Variants in NRXN3 observed in about 807,000 individuals in gnomAD.
NRXN3 encodes neurexin III.
In NRXN3, 32 loss-of-function variants were observed where a neutral mutation model predicts 137.6. The observed-to-expected ratio is 0.23, with a 90% CI of 0.18 to 0.31. The LOEUF (loss-of-function observed/expected upper bound fraction) is 0.31. NRXN3 is among the 10% of genes least tolerant of loss of function. NRXN3 has a pLI of 1.00. For missense variants in NRXN3, 1,574 were observed against 2,062.5 expected, an observed-to-expected ratio of 0.76 and a Z score of 4.59; for synonymous variants, 798 against 784.5, an observed-to-expected ratio of 1.02 and a Z score of -0.29.
intron 4 of NRXN3, among the ~76,000 whole-genome samples, chr14:78,495,099 T>C (rs1191957115): frequency 6.8e-6 from 1 of 146,868 alleles, no homozygotes. Context: ...TTTTTTTTTT[T>C]GTCAAACTGT....
At position 78,563,707 on chromosome 14, in the gene NRXN3, A is replaced by G. The variant is rs572406379; in HGVS notation, c.758-81413A>G. 7.9e-5 allele frequency among the ~76,000 whole-genome samples: 12 copies of G among 152,348 alleles called. No homozygotes were observed. The East Asian group carries it at 2.3e-3, about 29-fold the overall frequency. ...CTTCATGTAAATGATTTATCAAGAA[A>G]TAAGACCTAGGATTTTGAGATGGGT... On this transcript the variant is annotated intron_variant, in intron 4 of 20. Transcript: ENST00000335750.
In NRXN3 at chr14:78,439,041, T is replaced by A. The variant is rs370403946; in HGVS notation, c.757+141181T>A. Among the ~76,000 whole-genome samples, 9 of 152,154 alleles carry A rather than the reference T, an allele frequency of 5.9e-5. No individual in the cohort carries two copies. In the East Asian group the frequency reaches 1.2e-3, roughly 20 times the overall value. On this transcript the variant is annotated intron_variant, in intron 4 of 20. Transcript: ENST00000335750. ...TTACTTTCTTCAGTGGGGAAAGGAATGTGAAGGTCACTTGCTTGAGGGGGA... is the reference window on the plus strand; with the variant it reads ...TTACTTTCTTCAGTGGGGAAAGGAAAGTGAAGGTCACTTGCTTGAGGGGGA...
intron 4 of NRXN3, among the ~76,000 whole-genome samples, chr14:78,495,958 ATGTTTTACTTCTATTTAC>A (rs1342475374): frequency 3.3e-5 from 5 of 152,212 alleles, no homozygotes; most frequent in African/African-American, 1.2e-4. Context: ...CCTCAGCGGC[ATGTTTTACTTCTATTTAC>A]TGGTACCACA....
intron 15 of NRXN3, among the ~76,000 whole-genome samples, chr14:79,413,952 A>G (rs912322042): frequency 3.3e-5 from 5 of 150,084 alleles, no homozygotes; most frequent in South Asian, 4.2e-4. Flanking sequence ...AGTCATTGCT[A>G]CAGGCAGTGC....
chr14:78,976,628 T>A (rs1315186043), intron 14 of NRXN3, among the ~76,000 whole-genome samples: 1 of 152,228 alleles, frequency 6.6e-6, no homozygotes, highest in Admixed American at 6.5e-5. Context: ...TAAAATATAG[T>A]ACTTGACCTA....
At chr14:79,512,164 G>C (rs1003650506) in intron 16 of NRXN3, among the ~76,000 whole-genome samples, 3 of 152,182 alleles carry the variant, frequency 2.0e-5, no homozygotes, top group Non-Finnish European at 4.4e-5. Flanking sequence ...CTCCCAAAGG[G>C]CTGAAATTAC....
intron 15 of NRXN3, among the ~76,000 whole-genome samples, chr14:79,343,809 T>A (rs528055105): frequency 6.6e-6 from 1 of 152,300 alleles, no homozygotes; most frequent in East Asian, 1.9e-4. Flanking sequence ...AGAATCCTTT[T>A]TCCCTTTTTT....
intron 19 of NRXN3, among the ~76,000 whole-genome samples, chr14:79,803,495 T>C (rs902058992): frequency 6.6e-6 from 1 of 152,130 alleles, no homozygotes; most frequent in African/African-American, 2.4e-5. Context: ...ACTGGGTATG[T>C]CTGCGTCCTA....
intron 4 of NRXN3, among the ~76,000 whole-genome samples, chr14:78,639,649 G>T (rs1490369219): frequency 6.6e-6 from 1 of 152,202 alleles, no homozygotes; most frequent in Non-Finnish European, 1.5e-5. Context: ...TCAACAGGTT[G>T]AACCTCATGC....
At chr14:79,782,227 C>T (rs565308625) in intron 19 of NRXN3, among the ~76,000 whole-genome samples, 2 of 152,174 alleles carry the variant, frequency 1.3e-5, no homozygotes, top group African/African-American at 4.8e-5. Flanking sequence ...TTGAAATACC[C>T]CTCTCTCTCC....
intron 4 of NRXN3, among the ~76,000 whole-genome samples, chr14:78,355,097 C>T (rs182869999): frequency 5.8e-4 from 88 of 152,344 alleles, no homozygotes; most frequent in Non-Finnish European, 1.1e-3. Context: ...ATCTCTTTGC[C>T]TGGATCATGA....
At chr14:78,700,360 G>A (rs963131597) in intron 6 of NRXN3, among the ~76,000 whole-genome samples, 14 of 152,322 alleles carry the variant, frequency 9.2e-5, no homozygotes, top group African/African-American at 2.9e-4. Flanking sequence ...ACTACCTTGA[G>A]AGGATTCTGA....
intron 4 of NRXN3, among the ~76,000 whole-genome samples, chr14:78,561,752 T>C (rs1459086793): frequency 6.6e-6 from 1 of 152,228 alleles, no homozygotes; most frequent in East Asian, 1.9e-4. Flanking sequence ...TGTTCTTTCA[T>C]ACCTGGTCTC....
At chr14:78,384,813 A>G (rs1856263377) in intron 4 of NRXN3, among the ~76,000 whole-genome samples, 1 of 152,200 alleles carries the variant, frequency 6.6e-6, no homozygotes, top group African/African-American at 2.4e-5. Context: ...CAAATATACC[A>G]TTCGGTGATT....
chr14:78,531,044 C>T (rs190602478), intron 4 of NRXN3, among the ~76,000 whole-genome samples: 1 of 152,256 alleles, frequency 6.6e-6, no homozygotes, highest in East Asian at 1.9e-4. Context: ...ATCTTTGATG[C>T]CTTTCCTTCA....
At chr14:78,371,831 A>G (rs1320688686) in intron 4 of NRXN3, among the ~76,000 whole-genome samples, 1 of 152,240 alleles carries the variant, frequency 6.6e-6, no homozygotes, top group African/African-American at 2.4e-5. Context: ...TTGTATAGTG[A>G]TAAGTATGCA....
At chr14:79,049,350 A>G (rs1366156252) in intron 15 of NRXN3, among the ~76,000 whole-genome samples, 1 of 152,178 alleles carries the variant, frequency 6.6e-6, no homozygotes, top group Non-Finnish European at 1.5e-5. Context: ...TTTGCTTATC[A>G]TACGAAGCAA....
At chr14:78,979,541 A>T (rs972581444) in intron 14 of NRXN3, among the ~76,000 whole-genome samples, 9 of 152,094 alleles carry the variant, frequency 5.9e-5, no homozygotes, top group Non-Finnish European at 1.0e-4. Flanking sequence ...AACAATGTAA[A>T]TTTTAAAATG....
chr14:79,584,308 TC>T (rs1346150058), intron 16 of NRXN3, among the ~76,000 whole-genome samples: 2 of 152,156 alleles, frequency 1.3e-5, no homozygotes, highest in Non-Finnish European at 2.9e-5. Flanking sequence ...ATTATGTCAA[TC>T]CCAAACTCGA....
Sources: gnomAD v4.1 joint callset for allele counts (sites outside exome capture counted in the v4.1 genomes callset) on GRCh38, gnomAD v4.1.1 for gene constraint, MANE v1.5 for transcripts, NCBI Gene and HGNC (gene_info 2026-07-23, HGNC 2026-07-21) for gene names.